The following NECTIN3 variants were observed in gnomAD, a reference collection of about 807,000 sequenced individuals.
NECTIN3 encodes nectin-3.
A neutral mutation model predicts 49.4 loss-of-function variants in NECTIN3; 8 were observed. The observed-to-expected ratio is 0.16, with a 90% CI of 0.10 to 0.29. NECTIN3 has a LOEUF of 0.29. NECTIN3 is among the 10% of genes least tolerant of loss of function. NECTIN3 has a pLI of 1.00. For synonymous variants in NECTIN3, 277 were observed against 241.1 expected, an observed-to-expected ratio of 1.15 and a Z score of -1.38; for missense variants, 581 against 654.6, an observed-to-expected ratio of 0.89 and a Z score of 1.23.
chr3:111,096,755 T>C lies in NECTIN3; in HGVS notation c.161-15275T>C, dbSNP rs540763133. 5.9e-5 allele frequency among the ~76,000 whole-genome samples: 9 copies of C among 152,320 alleles called. No homozygotes were observed. The Middle Eastern group carries it at 0.01, about 173-fold the overall frequency. On this transcript the variant is annotated intron_variant, in intron 1 of 5. Coordinates refer to ENST00000485303, the MANE Select transcript of NECTIN3 (RefSeq NM_015480.3). ...CCAAGCCTTGGCAGCTTCCACGTGT[T>C]GTTGAGCCTGCGGGTGCACAGAGGT...
At chr3:111,147,455 C>G (rs1282816176) in exon 7 of NECTIN3, 6 of 1,531,920 alleles carry the variant, frequency 3.9e-6, no homozygotes. Context: ...AGAACGATCC[C>G]CACCTTTGCC....
At chr3:111,126,388 C>G in intron 5 of NECTIN3, 53 bp downstream of exon 5, 1 of 1,436,276 alleles carries the variant, frequency 7.0e-7, no homozygotes, top group Non-Finnish European at 9.6e-7. Context: ...TCTGAATAAT[C>G]ATAGTAACAA....
At position 111,136,773 on chromosome 3, in the gene NECTIN3, T is replaced by C; in HGVS notation, c.*2558T>C. 1 of 931,190 alleles carries C rather than the reference T, an allele frequency of 1.1e-6. No individual in the cohort carries two copies. The highest frequency in any genetic ancestry group is 1.3e-6 in the Non-Finnish European group (1 of 780,976). The allele number at this position is 931,190 out of a possible 1,614,324, so 57.7% of individuals were successfully genotyped here. On this transcript the variant is annotated 3_prime_UTR_variant, in exon 6 of 6. Coordinates refer to ENST00000485303, the MANE Select transcript of NECTIN3 (RefSeq NM_015480.3). ...AGCATTTTGTAAATTCACTTGAGAG[T>C]TTTCTTTCATACTGGTTAAAATATT...
At chr3:111,162,600 A>C (rs1032218986) in intron 7 of NECTIN3, among the ~76,000 whole-genome samples, 1 of 152,218 alleles carries the variant, frequency 6.6e-6, no homozygotes, top group Non-Finnish European at 1.5e-5. Context: ...GAATGGACTA[A>C]TGCAATCAAA....
chr3:111,072,387 C>G (rs1473096854), intron 1 of NECTIN3: 4 of 1,506,854 alleles, frequency 2.7e-6, no homozygotes, highest in Non-Finnish European at 3.5e-6. Flanking sequence ...CGGCCCGCTG[C>G]CCTCCCCCGC....
Position 111,135,930 on chromosome 3 carries a change from A to G in NECTIN3, c.*1715A>G. On this transcript the variant is annotated 3_prime_UTR_variant, in exon 6 of 6. Transcript: ENST00000485303. ...ATCAGGTTAAGGATACAGATAAATA[A>G]AGTTCACTTATATCTTCTTACAAAT... The G allele has an allele frequency of 1.1e-6, 1 of 919,654 alleles. No individual in the cohort carries two copies. Among genetic ancestry groups the G allele is most frequent in the Non-Finnish European group, 1.3e-6 (1 of 770,912 alleles). The allele number at this position is 919,654 out of a possible 1,614,324, so 57.0% of individuals were successfully genotyped here.
At chr3:111,172,630 A>G (rs1354753905) in intron 7 of NECTIN3, among the ~76,000 whole-genome samples, 1 of 152,226 alleles carries the variant, frequency 6.6e-6, no homozygotes, top group Non-Finnish European at 1.5e-5. Flanking sequence ...ATTATTGAAC[A>G]TGCTAACAAA....
intron 1 of NECTIN3, chr3:111,193,588 A>C (rs2035854408): frequency 1.8e-6 from 1 of 569,958 alleles, no homozygotes; most frequent in Non-Finnish European, 3.0e-6. Context: ...TGTGAACTTG[A>C]CTATAGCTTT....
chr3:111,193,303 A>G, intron 1 of NECTIN3: 1 of 1,535,766 alleles, frequency 6.5e-7, no homozygotes, highest in Non-Finnish European at 8.7e-7. Flanking sequence ...TGCTACCAAG[A>G]CCGGAGCCCT....
intron 7 of NECTIN3, among the ~76,000 whole-genome samples, chr3:111,165,810 A>G (rs1055537605): frequency 6.6e-6 from 1 of 152,238 alleles, no homozygotes; most frequent in Non-Finnish European, 1.5e-5. Flanking sequence ...CTCTACTTCA[A>G]GAATAATATT....
intron 6 of NECTIN3, among the ~76,000 whole-genome samples, chr3:111,146,129 T>C (rs1430860362): frequency 1.3e-5 from 2 of 152,182 alleles, no homozygotes; most frequent in Non-Finnish European, 2.9e-5. Context: ...ACTGGAGTGC[T>C]TCAGTCTTTC....
chr3:111,148,357 C>T (rs1337715830), intron 7 of NECTIN3, among the ~76,000 whole-genome samples: 1 of 152,166 alleles, frequency 6.6e-6, no homozygotes, highest in Non-Finnish European at 1.5e-5. Flanking sequence ...AAGGAGCATT[C>T]CCTGGCACAT....
intron 1 of NECTIN3, among the ~76,000 whole-genome samples, chr3:111,097,529 C>G (rs1164294426): frequency 6.6e-6 from 1 of 152,116 alleles, no homozygotes; most frequent in African/African-American, 2.4e-5. Context: ...TGTGTCCCCA[C>G]CCAAATCTCA....
chr3:111,140,101 A>T (rs566574315), downstream of NECTIN3, among the ~76,000 whole-genome samples: 1 of 152,022 alleles, frequency 6.6e-6, no homozygotes, highest in Non-Finnish European at 1.5e-5. Flanking sequence ...AGATGTGATA[A>T]CTAAAATGCC....
intron 7 of NECTIN3, among the ~76,000 whole-genome samples, chr3:111,178,985 C>T (rs1456139314): frequency 1.3e-5 from 2 of 152,182 alleles, no homozygotes; most frequent in East Asian, 1.9e-4. Flanking sequence ...CAGTGCTTGT[C>T]TTACTATAAA....
At chr3:111,176,464 TG>T (rs1352782164) in intron 7 of NECTIN3, among the ~76,000 whole-genome samples, 1 of 152,136 alleles carries the variant, frequency 6.6e-6, no homozygotes, top group Non-Finnish European at 1.5e-5. Context: ...AGTGTCTTTG[TG>T]GGGGGAAATG....
intron 1 of NECTIN3, chr3:111,193,317 A>G: frequency 6.5e-7 from 1 of 1,535,962 alleles, no homozygotes; most frequent in Non-Finnish European, 8.7e-7. Flanking sequence ...GAGCCCTGGC[A>G]AACATCATCA....
At chr3:111,141,934 T>C (rs1017734903), downstream of NECTIN3, among the ~76,000 whole-genome samples, 1 of 151,926 alleles carries the variant, frequency 6.6e-6, no homozygotes, top group African/African-American at 2.4e-5. Flanking sequence ...GTAGTGGTTT[T>C]ATTGGGATAT....
chr3:111,163,988 A>G (rs1249878198), intron 7 of NECTIN3, among the ~76,000 whole-genome samples: 3 of 151,942 alleles, frequency 2.0e-5, no homozygotes, highest in South Asian at 4.1e-4. Flanking sequence ...AAAAAAAAAA[A>G]AAAAGTCAAA....
Sources: allele counts gnomAD v4.1 joint callset (sites outside exome capture counted in the v4.1 genomes callset), GRCh38; gene constraint gnomAD v4.1.1; transcripts MANE v1.5; gene names NCBI Gene and HGNC (gene_info 2026-07-23, HGNC 2026-07-21).